Variants in LRGUK observed in about 807,000 individuals in gnomAD.
LRGUK encodes leucine-rich repeat and guanylate kinase domain-containing protein.
LRGUK carries 65 observed loss-of-function variants against 76.0 expected under a neutral mutation model. The ratio of observed to expected loss-of-function variants is 0.85; its 90% confidence interval spans 0.70 to 1.05. The LOEUF is 1.05. Among genes scored for constraint, LRGUK ranks in the 50% least tolerant of loss-of-function variants. The pLI, the probability that LRGUK is intolerant of heterozygous loss-of-function variation, is 0.00. For synonymous variants in LRGUK, 268 were observed against 265.6 expected (o/e 1.01, Z -0.09); for missense variants, 758 against 732.8 (o/e 1.03, Z -0.40).
chr7:134,260,239 T>A (rs1472530559), intron 19 of LRGUK, among the ~76,000 whole-genome samples: 1 of 152,042 alleles, frequency 6.6e-6, no homozygotes, highest in Non-Finnish European at 1.5e-5. Context: ...ATATATAATA[T>A]TGAGCCAGAT....
At chr7:134,131,573 G>T (rs542827662) in intron 1 of LRGUK, among the ~76,000 whole-genome samples, 13 of 152,238 alleles carry the variant, frequency 8.5e-5, no homozygotes, top group African/African-American at 3.1e-4. Context: ...AAGCCTCCTA[G>T]GTAGGGATGA....
intron 17 of LRGUK, 113 bp from the exon 18 acceptor site, chr7:134,248,838 T>C (rs1802372928): frequency 1.3e-6 from 1 of 776,976 alleles, no homozygotes; most frequent in Non-Finnish European, 1.8e-6. Flanking sequence ...TTATTTCACA[T>C]AGATCTCATT....
At chr7:134,233,182 G>C (rs1801941951) in intron 16 of LRGUK, among the ~76,000 whole-genome samples, 3 of 152,180 alleles carry the variant, frequency 2.0e-5, no homozygotes, top group Admixed American at 2.0e-4. Flanking sequence ...CTCCCTGATA[G>C]TAACCCAATG....
intron 2 of LRGUK, among the ~76,000 whole-genome samples, chr7:134,138,655 G>A (rs1410036835): frequency 1.3e-5 from 2 of 152,172 alleles, no homozygotes; most frequent in Admixed American, 6.5e-5. Context: ...ATATGAGAAC[G>A]TGCTTATAAT....
chr7:134,144,215 C>T (rs1473530873), intron 4 of LRGUK, among the ~76,000 whole-genome samples: 2 of 152,152 alleles, frequency 1.3e-5, no homozygotes, highest in African/African-American at 4.8e-5. Flanking sequence ...TCACTCTCAC[C>T]GCAACCTCCG....
At chr7:134,272,964 G>T in the LRGUK span, among the ~76,000 whole-genome samples, 3 of 152,078 alleles carry the variant, frequency 2.0e-5, no homozygotes, top group Admixed American at 6.5e-5. Flanking sequence ...GGGGTTGTGG[G>T]GTTTCAAGGC....
chr7:134,271,606 T>C, the LRGUK span, among the ~76,000 whole-genome samples: 1 of 152,006 alleles, frequency 6.6e-6, no homozygotes, highest in Non-Finnish European at 1.5e-5. Flanking sequence ...ATTCTACAAA[T>C]GCCTCACTTG....
At chr7:134,142,950 C>T in intron 3 of LRGUK, 112 bp from the exon 4 acceptor site, 1 of 610,080 alleles carries the variant, frequency 1.6e-6, no homozygotes, top group Non-Finnish European at 2.9e-6. Flanking sequence ...ATTAAGATGT[C>T]TTTGCAACTG....
In LRGUK at chr7:134,264,026, C is replaced by T. The variant is rs774417380; in HGVS notation, c.*51C>T. 8 of 1,544,292 alleles carry T rather than the reference C, an allele frequency of 5.2e-6. 1 individual carries two copies. The highest frequency in any genetic ancestry group is 3.5e-4 in the Middle Eastern group (2 of 5,790). Reference sequence around the variant, plus strand: ...CATGGAAAACCTGCTCTGCTGATGTCGAATTCCTTGCCTTACCTGGCCATG... The same window carrying T: ...CATGGAAAACCTGCTCTGCTGATGTTGAATTCCTTGCCTTACCTGGCCATG... On this transcript the variant is annotated 3_prime_UTR_variant, in exon 20 of 20. Coordinates refer to the LRGUK transcript ENST00000285928.
chr7:134,128,154 A>G (rs2116775169), intron 1 of LRGUK, among the ~76,000 whole-genome samples: 1 of 152,138 alleles, frequency 6.6e-6, no homozygotes, highest in South Asian at 2.1e-4. Context: ...GCTTCTTCAA[A>G]GACTAAGTGA....
chr7:134,229,555 G>A (rs1756212968), intron 16 of LRGUK, among the ~76,000 whole-genome samples: 1 of 152,106 alleles, frequency 6.6e-6, no homozygotes. Flanking sequence ...CCATGTTTAT[G>A]GATTGATGGC....
chr7:134,128,847 G>A lies in LRGUK; in HGVS notation c.297+1183G>A, dbSNP rs542258254. On this transcript the variant is annotated intron_variant, in intron 1 of 15. Coordinates refer to ENST00000645682, the Ensembl canonical transcript of LRGUK. ...TTACAGGCGTGAGCCACCGCACCCGGCCTAATTTGCTTCCTTTCTTTCAAT... is the reference window on the plus strand; with the variant it reads ...TTACAGGCGTGAGCCACCGCACCCGACCTAATTTGCTTCCTTTCTTTCAAT... Among the ~76,000 whole-genome samples the A allele has an allele frequency of 3.9e-5, 6 of 151,920 alleles. No homozygotes were observed. In the East Asian group the frequency reaches 1.2e-3, roughly 29 times the overall value.
downstream of LRGUK, among the ~76,000 whole-genome samples, chr7:134,213,265 G>A (rs1256632804): frequency 6.6e-6 from 1 of 152,156 alleles, no homozygotes; most frequent in Non-Finnish European, 1.5e-5. Flanking sequence ...GTCTGGAGGG[G>A]ATATAGAGGA....
intron 16 of LRGUK, among the ~76,000 whole-genome samples, chr7:134,224,354 C>T (rs1262771517): frequency 1.3e-5 from 2 of 152,232 alleles, no homozygotes; most frequent in African/African-American, 4.8e-5. Flanking sequence ...TTGCACCCCT[C>T]TTCCACTTAA....
At chr7:134,164,664 G>A (rs922372797) in intron 7 of LRGUK, among the ~76,000 whole-genome samples, 3 of 152,210 alleles carry the variant, frequency 2.0e-5, no homozygotes, top group Non-Finnish European at 4.4e-5. Context: ...GAAAGGGACA[G>A]TTGGTGCCAG....
At chr7:134,149,108 TAAAA>T (rs5887660) in intron 5 of LRGUK, among the ~76,000 whole-genome samples, 12,497 of 148,922 alleles carry the variant, frequency 0.084, 880 homozygotes, top group East Asian at 0.32. Context: ...TTTCTTTTTT[TAAAA>T]AAAAAAAAAA....
At chr7:134,213,480 T>A (rs1270056103), downstream of LRGUK, among the ~76,000 whole-genome samples, 1 of 152,184 alleles carries the variant, frequency 6.6e-6, no homozygotes, top group Non-Finnish European at 1.5e-5. Context: ...GTGAGGTGGG[T>A]GTGGGGCACT....
intron 9 of LRGUK, among the ~76,000 whole-genome samples, chr7:134,177,302 T>G (rs1472216307): frequency 6.6e-6 from 1 of 152,082 alleles, no homozygotes; most frequent in South Asian, 2.1e-4. Context: ...AGTGAAGAGG[T>G]TGGCTGTGGG....
At chr7:134,248,968 C>A in exon 18 of LRGUK, 1 of 1,534,258 alleles carries the variant, frequency 6.5e-7, no homozygotes, top group Non-Finnish European at 8.8e-7. Context: ...GTACCAGCAC[C>A]TCTCACCAGT....
Sources: gnomAD v4.1 joint callset for allele counts (sites outside exome capture counted in the v4.1 genomes callset) on GRCh38, gnomAD v4.1.1 for gene constraint, MANE v1.5 for transcripts, NCBI Gene and HGNC (gene_info 2026-07-23, HGNC 2026-07-21) for gene names.